PLD5: variants seen among roughly 807,000 people sequenced by gnomAD.
PLD5 encodes inactive phospholipase D5.
PLD5 carries 36 observed loss-of-function variants against 61.1 expected under a neutral mutation model. The ratio of observed to expected loss-of-function variants is 0.59; its 90% CI spans 0.45 to 0.78. The LOEUF (loss-of-function observed/expected upper bound fraction) is 0.78, where lower values mean the gene tolerates loss of function less well. PLD5 is among the 30% of genes least tolerant of loss of function. PLD5 has a pLI of 0.00. For synonymous variants in PLD5, 243 were observed against 242.8 expected, an observed-to-expected ratio of 1.00 and a Z score of -0.01; for missense variants, 515 against 644.4, an observed-to-expected ratio of 0.80 and a Z score of 2.17.
chr1:242,351,116 G>A (rs953248985), intron 1 of PLD5, among the ~76,000 whole-genome samples: 3 of 151,972 alleles, frequency 2.0e-5, no homozygotes, highest in African/African-American at 7.2e-5. Flanking sequence ...GGTCAGGCTA[G>A]TCTCTAACTC....
chr1:242,380,035 A>T (rs1662192027), intron 1 of PLD5, among the ~76,000 whole-genome samples: 1 of 152,188 alleles, frequency 6.6e-6, no homozygotes, highest in Non-Finnish European at 1.5e-5. Context: ...GAACAAGTGT[A>T]TTATCTGTGA....
At chr1:242,189,702 A>C (rs1160854380) in intron 5 of PLD5, among the ~76,000 whole-genome samples, 1 of 152,210 alleles carries the variant, frequency 6.6e-6, no homozygotes, top group African/African-American at 2.4e-5. Context: ...AAATTAGGTA[A>C]TATGGCAGAG....
Position 242,256,569 on chromosome 1 carries a change from G to A in PLD5, c.607+8768C>T, listed in dbSNP as rs1673029066. On this transcript the variant is annotated intron_variant, in intron 4 of 9. Coordinates refer to ENST00000536534, the MANE Select transcript of PLD5 (RefSeq NM_001372062.1). The surrounding 1 kb of genome is among the most constrained non-coding windows in gnomAD (Gnocchi z 5.7). ...TGAGGACACAGCGTTTGTTCCCTCT[G>A]GGGGATGCAGTAACAAGGCGCCATC... Among the ~76,000 whole-genome samples the A allele has an allele frequency of 6.6e-6, 1 of 152,132 alleles. No homozygotes were observed. The highest frequency in any genetic ancestry group is 1.5e-5 in the Non-Finnish European group (1 of 68,020).
intron 6 of PLD5, among the ~76,000 whole-genome samples, chr1:242,118,576 G>A (rs1207978912): frequency 6.6e-6 from 1 of 152,236 alleles, no homozygotes; most frequent in South Asian, 2.1e-4. Flanking sequence ...ATGTGAAAGT[G>A]CTTCATAAAT....
intron 2 of PLD5, among the ~76,000 whole-genome samples, chr1:242,346,283 A>G (rs1043763705): frequency 1.3e-5 from 2 of 152,062 alleles, no homozygotes; most frequent in Non-Finnish European, 1.5e-5. Flanking sequence ...TGAAAAAAAA[A>G]TGACCTTTTG....
At chr1:242,191,515 CG>C (rs1306281451) in intron 5 of PLD5, among the ~76,000 whole-genome samples, 1 of 151,338 alleles carries the variant, frequency 6.6e-6, no homozygotes, top group Non-Finnish European at 1.5e-5. Context: ...GAACCCAGGA[CG>C]GGGAAGTTGC....
chr1:242,478,189 C>T (rs569219434), intron 1 of PLD5, among the ~76,000 whole-genome samples: 23 of 152,292 alleles, frequency 1.5e-4, no homozygotes, highest in Non-Finnish European at 2.2e-4. Flanking sequence ...CAAGGCTAGC[C>T]GGAGTCTTTC....
chr1:242,485,011 C>G (rs555781692), intron 1 of PLD5, among the ~76,000 whole-genome samples: 2 of 151,984 alleles, frequency 1.3e-5, no homozygotes, highest in African/African-American at 4.8e-5. Context: ...ATTCAACAGC[C>G]CTTCATGCTA....
Position 242,124,516 on chromosome 1 carries a change from C to A in PLD5, c.885G>T (p.Lys295Asn). 6.2e-7 allele frequency: 1 copy of A among 1,614,022 alleles called. No individual in the cohort carries two copies. Among genetic ancestry groups the A allele is most frequent in the East Asian group, 2.2e-5 (1 of 44,858 alleles). The change falls in exon 6 of 10, where the codon AAG becomes AAT. Residue 295 changes from lysine (K) to asparagine (N), a missense_variant. Transcript: ENST00000536534. ...KRLYGVYDNE[K>N]KLQLQLNETK... Reference sequence around the variant, plus strand: ...TTTCATTCAACTGAAGTTGCAATTTCTTTTCATTGTCATAGACTCCATAGA... The same window carrying A: ...TTTCATTCAACTGAAGTTGCAATTTATTTTCATTGTCATAGACTCCATAGA...
chr1:242,302,559 A>C (rs1356817156), intron 2 of PLD5, among the ~76,000 whole-genome samples: 1 of 152,102 alleles, frequency 6.6e-6, no homozygotes, highest in East Asian at 1.9e-4. Context: ...TCTACCAAAA[A>C]ACTTTAAACA....
At chr1:242,182,040 A>G (rs1359439307) in intron 5 of PLD5, among the ~76,000 whole-genome samples, 3 of 152,230 alleles carry the variant, frequency 2.0e-5, no homozygotes, top group Non-Finnish European at 4.4e-5. Flanking sequence ...CAATGTACAT[A>G]TAGTTGCTTC....
intron 1 of PLD5, among the ~76,000 whole-genome samples, chr1:242,495,668 G>A (rs1001540203): frequency 3.3e-5 from 5 of 152,182 alleles, no homozygotes; most frequent in Non-Finnish European, 7.3e-5. Flanking sequence ...TTAACAAGGA[G>A]AGAAGAGATC....
chr1:242,225,109 C>A (rs1186074841), intron 4 of PLD5, among the ~76,000 whole-genome samples: 2 of 152,238 alleles, frequency 1.3e-5, no homozygotes, highest in Non-Finnish European at 2.9e-5. Flanking sequence ...TAGCATAATG[C>A]ACGTGAGACC....
chr1:242,189,445 CAAAAAAAAAAAAAA>C (rs58476673), intron 5 of PLD5, among the ~76,000 whole-genome samples: 2,846 of 70,714 alleles, frequency 0.04, 140 homozygotes, highest in African/African-American at 0.12. Context: ...GACTCCATCT[CAAAAAAAAAAAAAA>C]AAAAAAAAAG....
intron 5 of PLD5, among the ~76,000 whole-genome samples, chr1:242,155,491 C>T (rs1246781225): frequency 6.6e-6 from 1 of 152,128 alleles, no homozygotes; most frequent in East Asian, 1.9e-4. Flanking sequence ...GCATTTAGTG[C>T]TATAAATTTC....
At chr1:242,368,092 AAAC>A (rs750546445) in intron 1 of PLD5, among the ~76,000 whole-genome samples, 90 of 152,210 alleles carry the variant, frequency 5.9e-4, no homozygotes, top group South Asian at 1.5e-3. Context: ...TGTAAACAGT[AAAC>A]AACAACAACA....
chr1:242,154,360 C>G (rs764173746), intron 5 of PLD5, among the ~76,000 whole-genome samples: 34 of 152,086 alleles, frequency 2.2e-4, no homozygotes, highest in Non-Finnish European at 4.6e-4. Flanking sequence ...ATTGCCCTGG[C>G]CAGGACTTCC....
chr1:242,377,221 A>G lies in PLD5; in HGVS notation c.190-28979T>C, dbSNP rs950247572. On this transcript the variant is annotated intron_variant, in intron 1 of 9. Coordinates refer to ENST00000536534, the MANE Select transcript of PLD5 (RefSeq NM_001372062.1). Reference sequence around the variant, plus strand: ...CAGAGGCCACACTCCCGGCACTGGTAGGAAGAACCATCCGATTTGTGCTGA... The same window carrying G: ...CAGAGGCCACACTCCCGGCACTGGTGGGAAGAACCATCCGATTTGTGCTGA... 34 of 1,611,404 alleles carry G rather than the reference A, an allele frequency of 2.1e-5. No homozygotes were observed. In the African/African-American group the frequency reaches 4.4e-4, roughly 21 times the overall value.
chr1:242,183,727 T>C (rs528187974), intron 5 of PLD5, among the ~76,000 whole-genome samples: 2 of 152,228 alleles, frequency 1.3e-5, no homozygotes, highest in South Asian at 2.1e-4. Flanking sequence ...AACCCGTCTC[T>C]ACTAAAAATA....
Sources: gnomAD v4.1 joint callset for allele counts (sites outside exome capture counted in the v4.1 genomes callset) on GRCh38, gnomAD v4.1.1 for gene constraint, Gnocchi (gnomAD v3.1) non-coding constraint, MANE v1.5 for transcripts, NCBI Gene and HGNC (gene_info 2026-07-23, HGNC 2026-07-21) for gene names.